The following PLCB1 variants were observed in gnomAD, a reference collection of about 807,000 sequenced individuals.
The protein encoded by PLCB1 is 1-phosphatidylinositol 4,5-bisphosphate phosphodiesterase beta-1.
Under a neutral mutation model 161.8 loss-of-function variants are expected in PLCB1, and 46 were observed. The ratio of observed to expected loss-of-function variants is 0.28; its 90% CI spans 0.22 to 0.36. PLCB1 has a LOEUF of 0.36. Ranked by LOEUF, PLCB1 falls within the 10% of genes least tolerant of loss-of-function variation. PLCB1 has a pLI of 1.00. For synonymous variants in PLCB1, 517 were observed against 503.7 expected, an observed-to-expected ratio of 1.03 and a Z score of -0.35; for missense variants, 1,016 against 1,472.5, an observed-to-expected ratio of 0.69 and a Z score of 5.07.
intron 2 of PLCB1, among the ~76,000 whole-genome samples, chr20:8,266,118 G>A (rs747301355): frequency 2.6e-5 from 4 of 152,100 alleles, no homozygotes; most frequent in South Asian, 2.1e-4. Flanking sequence ...GTTGTGTATC[G>A]ATTAACCATT....
intron 26 of PLCB1, among the ~76,000 whole-genome samples, chr20:8,773,602 C>T (rs1402583696): frequency 6.6e-6 from 1 of 152,122 alleles, no homozygotes; most frequent in African/African-American, 2.4e-5. Flanking sequence ...TGGAAAGTGC[C>T]ATTTGGGTAA....
At chr20:8,376,728 A>G (rs188334775) in intron 3 of PLCB1, among the ~76,000 whole-genome samples, 2,444 of 152,196 alleles carry the variant, frequency 0.016, 32 homozygotes, top group Middle Eastern at 0.031. Flanking sequence ...GGAGATCGAG[A>G]CCATCCTGGC....
intron 31 of PLCB1, among the ~76,000 whole-genome samples, chr20:8,804,874 C>G (rs963235183): frequency 6.6e-6 from 1 of 151,712 alleles, no homozygotes; most frequent in African/African-American, 2.4e-5. Flanking sequence ...GTCTGTAATC[C>G]CAGCTACTCA....
chr20:8,699,221 G>A (rs903586553), intron 11 of PLCB1, among the ~76,000 whole-genome samples: 3 of 152,190 alleles, frequency 2.0e-5, no homozygotes, highest in Admixed American at 6.5e-5. Context: ...TCAGGGAAGT[G>A]TCACTAACTC....
chr20:8,346,085 A>G (rs1316403830), intron 2 of PLCB1, among the ~76,000 whole-genome samples: 2 of 152,188 alleles, frequency 1.3e-5, no homozygotes, highest in Admixed American at 1.3e-4. Context: ...CCAGATTTCT[A>G]TCGTGTTTTT....
intron 4 of PLCB1, among the ~76,000 whole-genome samples, chr20:8,644,672 C>T (rs1329937209): frequency 6.6e-6 from 1 of 151,370 alleles, no homozygotes; most frequent in Non-Finnish European, 1.5e-5. Flanking sequence ...GGAGCGTCTC[C>T]GCCCGGCAGC....
At chr20:8,630,810 T>C (rs1988562686) in intron 4 of PLCB1, among the ~76,000 whole-genome samples, 1 of 152,190 alleles carries the variant, frequency 6.6e-6, no homozygotes, top group African/African-American at 2.4e-5. Context: ...TACACATCAA[T>C]CTGCATATCT....
chr20:8,488,093 C>A (rs6077365), intron 3 of PLCB1, among the ~76,000 whole-genome samples: 78,930 of 151,914 alleles, frequency 0.52, 21,782 homozygotes, highest in East Asian at 0.65. Context: ...AAATAGTTAC[C>A]TAATGCAGTT....
At chr20:8,777,945 T>G (rs1482457252) in intron 27 of PLCB1, among the ~76,000 whole-genome samples, 1 of 151,966 alleles carries the variant, frequency 6.6e-6, no homozygotes, top group Non-Finnish European at 1.5e-5. Context: ...TTTAAAACTG[T>G]CAGATCTCCT....
intron 3 of PLCB1, among the ~76,000 whole-genome samples, chr20:8,526,522 A>G (rs574881712): frequency 3.9e-5 from 6 of 152,178 alleles, no homozygotes; most frequent in African/African-American, 1.2e-4. Context: ...CTTCAGAGAT[A>G]AGCCCTGGCT....
intron 3 of PLCB1, among the ~76,000 whole-genome samples, chr20:8,553,193 AATC>A (rs1985831095): frequency 6.6e-6 from 1 of 152,210 alleles, no homozygotes; most frequent in Non-Finnish European, 1.5e-5. Flanking sequence ...ATGACACAAT[AATC>A]ATAAAATTCA....
intron 2 of PLCB1, among the ~76,000 whole-genome samples, chr20:8,217,824 T>C (rs536108811): frequency 7.5e-4 from 114 of 152,228 alleles, no homozygotes; most frequent in African/African-American, 2.5e-3. Flanking sequence ...AGTGGGTTCC[T>C]GATTAAAAGG....
intron 3 of PLCB1, among the ~76,000 whole-genome samples, chr20:8,489,326 A>G (rs536471882): frequency 6.6e-6 from 1 of 152,280 alleles, no homozygotes; most frequent in African/African-American, 2.4e-5. Flanking sequence ...GTGCAAAGAG[A>G]ACCTAGAAGA....
intron 2 of PLCB1, among the ~76,000 whole-genome samples, chr20:8,270,352 A>T (rs1600276853): frequency 3.3e-5 from 5 of 152,174 alleles, no homozygotes; most frequent in Admixed American, 3.3e-4. Flanking sequence ...GTTCAAAAAT[A>T]TTTTTTTCAG....
At chr20:8,445,529 G>A (rs537982828) in intron 3 of PLCB1, among the ~76,000 whole-genome samples, 135 of 151,976 alleles carry the variant, frequency 8.9e-4, no homozygotes, top group African/African-American at 3.1e-3. Flanking sequence ...TGGCAATGCG[G>A]GCTCTTTTTT....
At chr20:8,527,579 A>C (rs1312362739) in intron 3 of PLCB1, among the ~76,000 whole-genome samples, 2 of 152,104 alleles carry the variant, frequency 1.3e-5, no homozygotes, top group Non-Finnish European at 2.9e-5. Flanking sequence ...ACACAAGTAC[A>C]ATCATTTTAT....
chr20:8,555,305 A>G (rs1044175412), intron 3 of PLCB1, among the ~76,000 whole-genome samples: 1 of 152,070 alleles, frequency 6.6e-6, no homozygotes, highest in Non-Finnish European at 1.5e-5. Context: ...TCATGATACT[A>G]AGTCAATGAT....
At chr20:8,671,380 G>C (rs537754600) in intron 9 of PLCB1, among the ~76,000 whole-genome samples, 3 of 152,160 alleles carry the variant, frequency 2.0e-5, no homozygotes, top group Non-Finnish European at 4.4e-5. Context: ...GGCATGACAA[G>C]TTTTCTGTTA....
chr20:8,719,414 G>A (rs951650387), intron 14 of PLCB1, among the ~76,000 whole-genome samples: 8 of 152,084 alleles, frequency 5.3e-5, no homozygotes, highest in Admixed American at 1.3e-4. Flanking sequence ...CCAAATACTC[G>A]TCAACAGATA....
Sources: allele counts gnomAD v4.1 joint callset (sites outside exome capture counted in the v4.1 genomes callset), GRCh38; gene constraint gnomAD v4.1.1; transcripts MANE v1.5; gene names NCBI Gene and HGNC (gene_info 2026-07-23, HGNC 2026-07-21).